CNTNAP2: variants seen among roughly 807,000 people sequenced by gnomAD.
The protein encoded by CNTNAP2 is contactin-associated protein-like 2.
In CNTNAP2, 98 loss-of-function variants were observed where a neutral mutation model predicts 155.2. The observed-to-expected ratio is 0.63, with a 90% CI of 0.54 to 0.75. CNTNAP2 has a LOEUF of 0.75. CNTNAP2 is among the 30% of genes least tolerant of loss of function. CNTNAP2 has a pLI of 0.00. For synonymous variants in CNTNAP2, 651 were observed against 631.2 expected (o/e 1.03, Z -0.47); for missense variants, 1,727 against 1,688.1 (o/e 1.02, Z -0.40).
intron 15 of CNTNAP2, among the ~76,000 whole-genome samples, chr7:148,058,884 G>A (rs1803074366): frequency 6.6e-6 from 1 of 152,156 alleles, no homozygotes; most frequent in Non-Finnish European, 1.5e-5. Context: ...TTAGGGAAAT[G>A]GTTGTGAACA....
intron 17 of CNTNAP2, among the ~76,000 whole-genome samples, chr7:148,170,286 T>A (rs1218280843): frequency 2.0e-5 from 3 of 152,198 alleles, no homozygotes; most frequent in African/African-American, 4.8e-5. Flanking sequence ...TGATAAAAAA[T>A]TTTTAAGGCC....
intron 1 of CNTNAP2, among the ~76,000 whole-genome samples, chr7:146,619,107 TAAA>T (rs1169179263): frequency 4.0e-5 from 6 of 151,274 alleles, no homozygotes; most frequent in African/African-American, 7.3e-5. Flanking sequence ...TCTAAAATAA[TAAA>T]AAAGTCACTT....
chr7:147,446,462 C>T (rs1020488081), intron 10 of CNTNAP2, among the ~76,000 whole-genome samples: 1 of 151,990 alleles, frequency 6.6e-6, no homozygotes, highest in Non-Finnish European at 1.5e-5. Flanking sequence ...TAAGTAATGA[C>T]ATTTGATTTG....
chr7:147,242,320 T>G (rs2116640264), intron 8 of CNTNAP2, among the ~76,000 whole-genome samples: 1 of 152,328 alleles, frequency 6.6e-6, no homozygotes, highest in South Asian at 2.1e-4. Context: ...AAACATTTCC[T>G]TTGCCAAGTT....
chr7:147,269,320 G>A (rs1258470871), intron 8 of CNTNAP2, among the ~76,000 whole-genome samples: 1 of 152,104 alleles, frequency 6.6e-6, no homozygotes, highest in African/African-American at 2.4e-5. Context: ...AAAAAACAAA[G>A]ATTCTCTCAA....
chr7:148,365,721 C>CTTTTATATAT (rs1798728039), intron 21 of CNTNAP2, among the ~76,000 whole-genome samples: 2 of 68,092 alleles, frequency 2.9e-5, no homozygotes, highest in African/African-American at 8.2e-5. Flanking sequence ...TATATGTATA[C>CTTTTATATAT]GTGTATATAT....
At chr7:147,552,557 A>G (rs1038592113) in intron 11 of CNTNAP2, among the ~76,000 whole-genome samples, 4 of 149,172 alleles carry the variant, frequency 2.7e-5, no homozygotes, top group East Asian at 3.9e-4. Flanking sequence ...TCTTTACTCC[A>G]TTTTACTTTC....
chr7:148,007,985 T>TA (rs1802009146), intron 15 of CNTNAP2, among the ~76,000 whole-genome samples: 1 of 152,062 alleles, frequency 6.6e-6, no homozygotes, highest in Non-Finnish European at 1.5e-5. Context: ...ATTTAGCACT[T>TA]ATGACTAAAT....
chr7:148,181,205 C>T (rs941523308), intron 18 of CNTNAP2, among the ~76,000 whole-genome samples: 2 of 152,182 alleles, frequency 1.3e-5, no homozygotes, highest in Non-Finnish European at 2.9e-5. Context: ...TATCATGGGA[C>T]TTCTCAGCCT....
rs192917105 is a variant in CNTNAP2 at position 146,361,173 on chromosome 7, A to G, written c.97+244200A>G. ...ATCTTAACTACAGTACGACTGACCC[A>G]TGAACTCCACAGGTTTGAACTGTGC... On this transcript the variant is annotated intron_variant, in intron 1 of 23. Coordinates refer to ENST00000361727, the MANE Select transcript of CNTNAP2 (RefSeq NM_014141.6). 4.6e-5 allele frequency among the ~76,000 whole-genome samples: 7 copies of G among 152,322 alleles called. No homozygotes were observed. The East Asian group carries it at 1.2e-3, about 25-fold the overall frequency.
At chr7:147,667,029 G>T (rs1186172536) in intron 13 of CNTNAP2, among the ~76,000 whole-genome samples, 6 of 152,180 alleles carry the variant, frequency 3.9e-5, no homozygotes. Flanking sequence ...CCAGCACCAT[G>T]ATGATCACAG....
chr7:147,760,276 AG>A (rs1246954932), intron 13 of CNTNAP2, among the ~76,000 whole-genome samples: 9 of 152,078 alleles, frequency 5.9e-5, no homozygotes, highest in Non-Finnish European at 1.2e-4. Flanking sequence ...GAACTTCCAA[AG>A]AGTTTTCCCC....
At chr7:147,027,897 G>T (rs534094286) in intron 3 of CNTNAP2, among the ~76,000 whole-genome samples, 1 of 152,158 alleles carries the variant, frequency 6.6e-6, no homozygotes, top group African/African-American at 2.4e-5. Context: ...GTGGAAAATA[G>T]AAAATAAACA....
chr7:147,212,657 G>T (rs1803175238), intron 8 of CNTNAP2, among the ~76,000 whole-genome samples: 1 of 152,096 alleles, frequency 6.6e-6, no homozygotes, highest in Admixed American at 6.6e-5. Flanking sequence ...CCCAGGTGAT[G>T]GGATCAGTTG....
intron 8 of CNTNAP2, among the ~76,000 whole-genome samples, chr7:147,168,349 A>G (rs1802162297): frequency 6.6e-6 from 1 of 151,942 alleles, no homozygotes; most frequent in African/African-American, 2.4e-5. Context: ...TGTTATTTTA[A>G]GAGCTTGGTA....
At chr7:147,609,972 T>C (rs1801150974) in intron 12 of CNTNAP2, among the ~76,000 whole-genome samples, 1 of 152,118 alleles carries the variant, frequency 6.6e-6, no homozygotes, top group African/African-American at 2.4e-5. Context: ...CCTCTTGTTT[T>C]TTGTTGTCGT....
intron 3 of CNTNAP2, among the ~76,000 whole-genome samples, chr7:146,864,984 T>A (rs1251089163): frequency 9.7e-5 from 9 of 92,504 alleles, no homozygotes; most frequent in African/African-American, 2.6e-4. Flanking sequence ...AGTGACAGAG[T>A]CTATCTAAAA....
chr7:148,015,209 A>ATT (rs200918727), intron 15 of CNTNAP2, among the ~76,000 whole-genome samples: 201 of 152,326 alleles, frequency 1.3e-3, no homozygotes, highest in Non-Finnish European at 2.4e-3. Flanking sequence ...ATTACATAGT[A>ATT]TTTTTTTAAA....
At chr7:147,836,051 A>G (rs756915100) in intron 13 of CNTNAP2, among the ~76,000 whole-genome samples, 1 of 152,210 alleles carries the variant, frequency 6.6e-6, no homozygotes, top group Non-Finnish European at 1.5e-5. Context: ...GTTTTAGGCC[A>G]TCAAGTTTGT....
Sources: allele counts gnomAD v4.1 joint callset (sites outside exome capture counted in the v4.1 genomes callset), GRCh38; gene constraint gnomAD v4.1.1; transcripts MANE v1.5; gene names NCBI Gene and HGNC (gene_info 2026-07-23, HGNC 2026-07-21).